Variants in LRRTM3 observed in about 807,000 individuals in gnomAD.
The protein encoded by LRRTM3 is leucine-rich repeat transmembrane neuronal protein 3.
In LRRTM3, 24 loss-of-function variants were observed where a neutral mutation model predicts 44.7. The observed-to-expected ratio is 0.54, with a 90% CI of 0.39 to 0.76. LRRTM3 has a LOEUF of 0.76. LRRTM3 is among the 30% of genes least tolerant of loss of function. The pLI is 0.00. For synonymous variants in LRRTM3, 277 were observed against 278.7 expected (o/e 0.99, Z 0.06); for missense variants, 587 against 702.2 (o/e 0.84, Z 1.85).
Position 67,101,219 on chromosome 10 carries a change from G to A in LRRTM3, c.*3423G>A, listed in dbSNP as rs1564891187. 6.6e-6 allele frequency among the ~76,000 whole-genome samples: 1 copy of A among 151,630 alleles called. No homozygotes were observed. The highest frequency in any genetic ancestry group is 1.5e-5 in the Non-Finnish European group (1 of 67,776). On this transcript the variant is annotated 3_prime_UTR_variant, in exon 3 of 3. Transcript: ENST00000361320. ...ATAAAATCAAGGAAGCACAAGGAAA[G>A]AAACCCCAAGGAAAAAACCAAAGAC...
intron 2 of LRRTM3, among the ~76,000 whole-genome samples, chr10:67,089,715 A>ATATGTGTG (rs931250680): frequency 2.1e-5 from 2 of 93,264 alleles, no homozygotes; most frequent in Admixed American, 2.1e-4. Context: ...GTGTATATAC[A>ATATGTGTG]TATGTGTGTG....
chr10:67,074,034 CTT>C (rs35411851), intron 2 of LRRTM3, among the ~76,000 whole-genome samples: 4 of 109,436 alleles, frequency 3.7e-5, no homozygotes, highest in Non-Finnish European at 3.5e-5. Flanking sequence ...CATTTTAACT[CTT>C]TTTTTTTTTT....
rs534197631 is a variant in LRRTM3, at chr10:67,007,309, A to G, written c.1536+78857A>G. 5.9e-5 allele frequency among the ~76,000 whole-genome samples: 9 copies of G among 152,114 alleles called. 1 individual carries two copies. The highest frequency in any genetic ancestry group is 1.7e-4 in the African/African-American group (7 of 41,510). ...AATTGGCTCTTTTTCCTCTCCCACTATTTGGATATTGAAATTAAAGTAGCT... is the reference window on the plus strand; with the variant it reads ...AATTGGCTCTTTTTCCTCTCCCACTGTTTGGATATTGAAATTAAAGTAGCT... On this transcript the variant is annotated intron_variant, in intron 2 of 2. Coordinates refer to ENST00000361320, the MANE Select transcript of LRRTM3 (RefSeq NM_178011.5).
chr10:67,099,542 T>G lies in LRRTM3; in HGVS notation c.*1746T>G, dbSNP rs1420983593. 6.6e-6 allele frequency: 1 copy of G among 152,238 alleles called. No individual in the cohort carries two copies. The highest frequency in any genetic ancestry group is 2.1e-4 in the South Asian group (1 of 4,822). The allele number at this position is 152,238 out of a possible 1,614,324, so 9.4% of individuals were successfully genotyped here. The stretch of plus-strand genomic sequence containing the variant: ...AAGTTATATCTATAAAATCTAGTTT[T>G]ATGCAGGTTTGTCACAGCAAATGTA... On this transcript the variant is annotated 3_prime_UTR_variant, in exon 3 of 3. Coordinates refer to ENST00000361320, the MANE Select transcript of LRRTM3 (RefSeq NM_178011.5).
chr10:66,983,826 C>T (rs1850580924), intron 2 of LRRTM3, among the ~76,000 whole-genome samples: 1 of 152,104 alleles, frequency 6.6e-6, no homozygotes, highest in South Asian at 2.1e-4. Flanking sequence ...AAAAATGTAC[C>T]ATTCTAGGGT....
chr10:66,981,651 T>A (rs921774041), intron 2 of LRRTM3, among the ~76,000 whole-genome samples: 4 of 152,252 alleles, frequency 2.6e-5, no homozygotes, highest in Non-Finnish European at 4.4e-5. Flanking sequence ...ACATATTGAA[T>A]GGCAGTAATG....
intron 2 of LRRTM3, among the ~76,000 whole-genome samples, chr10:67,027,671 G>T (rs1853476816): frequency 6.6e-6 from 1 of 151,784 alleles, no homozygotes; most frequent in African/African-American, 2.4e-5. Flanking sequence ...TCTTGACCTT[G>T]TCATCCACTG....
chr10:67,021,546 TG>T (rs1179843789), intron 2 of LRRTM3, among the ~76,000 whole-genome samples: 1 of 152,092 alleles, frequency 6.6e-6, no homozygotes, highest in Non-Finnish European at 1.5e-5. Context: ...AAAAATTTGA[TG>T]GGTTGCTATG....
intron 2 of LRRTM3, among the ~76,000 whole-genome samples, chr10:67,011,338 CAAAA>C (rs764795305): frequency 1.6e-5 from 1 of 62,370 alleles, no homozygotes; most frequent in Non-Finnish European, 3.4e-5. Flanking sequence ...AAGTCTGTCT[CAAAA>C]AAAAAAAAAA....
chr10:66,979,661 G>T (rs1564809264), intron 2 of LRRTM3, among the ~76,000 whole-genome samples: 1 of 152,146 alleles, frequency 6.6e-6, no homozygotes, highest in South Asian at 2.1e-4. Context: ...ATAGATGTTT[G>T]TGGGGATGAA....
chr10:67,058,211 C>A (rs1281480363), intron 2 of LRRTM3, among the ~76,000 whole-genome samples: 2 of 152,148 alleles, frequency 1.3e-5, no homozygotes, highest in African/African-American at 2.4e-5. Flanking sequence ...TCATGAAACA[C>A]CCCCAACCAC....
intron 2 of LRRTM3, among the ~76,000 whole-genome samples, chr10:67,029,266 TAAG>T (rs1853577289): frequency 6.6e-6 from 1 of 152,188 alleles, no homozygotes; most frequent in Non-Finnish European, 1.5e-5. Flanking sequence ...ACAGTTGAAA[TAAG>T]AAGTTTCAAC....
intron 2 of LRRTM3, among the ~76,000 whole-genome samples, chr10:66,971,145 A>G (rs2132826397): frequency 6.6e-6 from 1 of 152,260 alleles, no homozygotes; most frequent in Admixed American, 6.5e-5. Context: ...AGTTAAAAAA[A>G]GGCTGGGTGT....
chr10:67,060,450 T>G (rs930907272), intron 2 of LRRTM3, among the ~76,000 whole-genome samples: 10 of 152,214 alleles, frequency 6.6e-5, no homozygotes, highest in Admixed American at 4.6e-4. Flanking sequence ...CTCAAGTACA[T>G]AAAAGTAAAT....
At chr10:66,970,350 A>G (rs1024486702) in intron 2 of LRRTM3, among the ~76,000 whole-genome samples, 1 of 152,098 alleles carries the variant, frequency 6.6e-6, no homozygotes, top group African/African-American at 2.4e-5. Flanking sequence ...TCATCCATAT[A>G]TTACCTGCAT....
At chr10:67,091,497 A>G (rs1857636782) in intron 2 of LRRTM3, among the ~76,000 whole-genome samples, 1 of 152,002 alleles carries the variant, frequency 6.6e-6, no homozygotes, top group South Asian at 2.1e-4. Context: ...CCCCCCAAAA[A>G]AAGGAAAACA....
intron 2 of LRRTM3, among the ~76,000 whole-genome samples, chr10:67,037,787 G>A (rs1854155429): frequency 6.6e-6 from 1 of 152,118 alleles, no homozygotes; most frequent in African/African-American, 2.4e-5. Context: ...CAAATACATG[G>A]ATGGTAGTTA....
intron 2 of LRRTM3, among the ~76,000 whole-genome samples, chr10:67,046,452 T>C (rs1195475579): frequency 6.6e-6 from 1 of 152,120 alleles, no homozygotes; most frequent in Non-Finnish European, 1.5e-5. Context: ...CTGACCTCAA[T>C]TAACTGCAAG....
intron 2 of LRRTM3, among the ~76,000 whole-genome samples, chr10:67,046,059 A>G (rs899632844): frequency 1.6e-4 from 24 of 152,284 alleles, no homozygotes; most frequent in Admixed American, 2.6e-4. Context: ...CAAATTTCAG[A>G]CTGCCTTATG....
Sources: gnomAD v4.1 joint callset for allele counts (sites outside exome capture counted in the v4.1 genomes callset) on GRCh38, gnomAD v4.1.1 for gene constraint, MANE v1.5 for transcripts, NCBI Gene and HGNC (gene_info 2026-07-23, HGNC 2026-07-21) for gene names.